HELZ: variants seen among roughly 807,000 people sequenced by gnomAD.
The protein encoded by HELZ is ATP-dependent RNA helicase with zinc finger domain.
A neutral mutation model predicts 218.2 loss-of-function variants in HELZ; 23 were observed. The observed-to-expected ratio is 0.11, with a 90% CI of 0.08 to 0.15. HELZ has a LOEUF of 0.15. Ranked by LOEUF, HELZ falls within the 10% of genes least tolerant of loss-of-function variation. The pLI is 1.00. For missense variants in HELZ, 1,813 were observed against 2,353.7 expected (o/e 0.77, Z 4.75); for synonymous variants, 814 against 829.4 (o/e 0.98, Z 0.32).
At position 67,183,985 on chromosome 17, in the gene HELZ, T is replaced by C. The variant is rs372228515; in HGVS notation, c.1162+4334A>G. 4.1e-4 allele frequency among the ~76,000 whole-genome samples: 62 copies of C among 151,954 alleles called. No individual in the cohort carries two copies. The South Asian group carries it at 0.012, about 29-fold the overall frequency. On this transcript the variant is annotated intron_variant, in intron 12 of 32. Coordinates refer to ENST00000358691, the MANE Select transcript of HELZ (RefSeq NM_014877.4). Reference sequence around the variant, plus strand: ...TACGAATAGAAAAGGTCTGGATGCTTTAGGTACAGTGACAGTAATATTTAA... The same window carrying C: ...TACGAATAGAAAAGGTCTGGATGCTCTAGGTACAGTGACAGTAATATTTAA...
At chr17:67,175,982 A>T (rs1016019427) in intron 13 of HELZ, among the ~76,000 whole-genome samples, 1 of 152,162 alleles carries the variant, frequency 6.6e-6, no homozygotes, top group Non-Finnish European at 1.5e-5. Flanking sequence ...CTATCTTACC[A>T]CTGCCGTACC....
intron 3 of HELZ, among the ~76,000 whole-genome samples, chr17:67,225,986 G>A (rs1364326119): frequency 6.6e-6 from 1 of 152,140 alleles, no homozygotes; most frequent in African/African-American, 2.4e-5. Flanking sequence ...TCCCTGACGG[G>A]CGTGGTGGCT....
chr17:67,107,214 C>A lies in HELZ; in HGVS notation c.5196G>T (p.Leu1732Phe), dbSNP rs1413671597. 2.5e-6 allele frequency: 4 copies of A among 1,613,960 alleles called. No individual in the cohort carries two copies. Among genetic ancestry groups the A allele is most frequent in the Non-Finnish European group, 8.5e-7 (1 of 1,180,008 alleles). Residue 1732 changes from leucine to phenylalanine, a missense_variant, in exon 31 of 33, where the codon TTG becomes TTT. Physicochemically the swap from Leu to Phe is conservative, Grantham distance 22. This residue lies in a region of HELZ where 938 missense variants were observed against 1,027.5 expected (regional missense o/e 0.91). Coordinates refer to ENST00000358691, the MANE Select transcript of HELZ (RefSeq NM_014877.4). ...AAGAAGAAGATACTGTTCGAGATGA[C>A]AATGGGTGAAATGGCTCTTGACCAA... The part of the protein sequence containing the change: ...HAIGQEPFHP[L>F]SSRTVSSSSL...
rs1223536390 is a variant in HELZ, at chr17:67,186,683, G to GCA, written c.1162+1634_1162+1635dup. On this transcript the variant is annotated intron_variant, in intron 12 of 32. Transcript: ENST00000358691. ...TACTAACTAATAAGAATTCTTGACA[G>GCA]CACTTACAAACATTTCTATGGGTAA... Among the ~76,000 whole-genome samples, 3 of 152,138 alleles carry GCA rather than the reference G, an allele frequency of 2.0e-5. No homozygotes were observed. The South Asian group carries it at 6.2e-4, about 32-fold the overall frequency.
chr17:67,124,596 T>C (rs1168551883), intron 24 of HELZ, among the ~76,000 whole-genome samples: 1 of 152,120 alleles, frequency 6.6e-6, no homozygotes, highest in African/African-American at 2.4e-5. Context: ...TAGACAGCAA[T>C]ATGGCAATAC....
chr17:67,195,753 C>G (rs78388638), intron 7 of HELZ, among the ~76,000 whole-genome samples: 1,798 of 151,750 alleles, frequency 0.012, 12 homozygotes, highest in South Asian at 0.023. Context: ...TTGAACCTCA[C>G]AGGCTAGCAC....
intron 12 of HELZ, among the ~76,000 whole-genome samples, chr17:67,180,412 G>C (rs944041538): frequency 6.6e-6 from 1 of 152,000 alleles, no homozygotes; most frequent in African/African-American, 2.4e-5. Context: ...CTCACAAGCA[G>C]AAGTTTCCTA....
chr17:67,132,246 G>GTGTGTGTGTGTA (rs369179550), intron 23 of HELZ, among the ~76,000 whole-genome samples: 88 of 151,326 alleles, frequency 5.8e-4, no homozygotes, highest in African/African-American at 2.1e-3. Context: ...GTGTGTGTGT[G>GTGTGTGTGTGTA]TACACAAATA....
At position 67,188,202 on chromosome 17, in the gene HELZ, A is replaced by AT. The variant is rs1160346160; in HGVS notation, c.1162+116dup. On this transcript the variant is annotated intron_variant, in intron 12 of 32. Coordinates refer to ENST00000358691, the MANE Select transcript of HELZ (RefSeq NM_014877.4). This position sits in a 1 kb window ranked among gnomAD's most constrained non-coding sequence, Gnocchi z 4.1. ...CAGTAAATGAGTCAATTAAGTTGGG[A>AT]TTTTTTTCTTTATTACTATTCTCTT... 1.0e-5 allele frequency: 10 copies of AT among 987,046 alleles called. No individual in the cohort carries two copies. Among genetic ancestry groups the AT allele is most frequent in the East Asian group, 4.9e-5 (2 of 40,910 alleles). 61.1% of individuals were successfully genotyped at this position (987,046 alleles called of 1,614,324 possible).
intron 32 of HELZ, among the ~76,000 whole-genome samples, chr17:67,084,412 C>T (rs947884904): frequency 1.3e-5 from 2 of 152,118 alleles, no homozygotes; most frequent in African/African-American, 4.8e-5. Context: ...CCTGTAATCC[C>T]AGCACTTTGG....
intron 32 of HELZ, among the ~76,000 whole-genome samples, chr17:67,078,851 AAAT>A (rs2036097767): frequency 6.6e-6 from 1 of 152,242 alleles, no homozygotes; most frequent in Non-Finnish European, 1.5e-5. Flanking sequence ...GCTTGCTGAA[AAAT>A]AAAAAACTAG....
At chr17:67,175,152 G>C (rs1438000781) in intron 13 of HELZ, among the ~76,000 whole-genome samples, 1 of 152,164 alleles carries the variant, frequency 6.6e-6, no homozygotes, top group African/African-American at 2.4e-5. Flanking sequence ...ACACACTAGA[G>C]CACAGCCCAA....
At chr17:67,095,712 T>A (rs1293418563) in intron 31 of HELZ, among the ~76,000 whole-genome samples, 3 of 152,248 alleles carry the variant, frequency 2.0e-5, no homozygotes, top group Admixed American at 1.3e-4. Flanking sequence ...AAGGCATCCA[T>A]GGTGATGGAA....
At chr17:67,123,207 C>A (rs778826088) in intron 25 of HELZ, 47 bp from the exon 26 acceptor site, 16 of 1,123,352 alleles carry the variant, frequency 1.4e-5, no homozygotes, top group South Asian at 2.1e-5. Context: ...TGTACATAGT[C>A]ATCCAGAAAA....
intron 3 of HELZ, among the ~76,000 whole-genome samples, chr17:67,232,052 CAAAAAAAAA>C (rs754429326): frequency 4.7e-5 from 2 of 42,480 alleles, no homozygotes; most frequent in East Asian, 1.5e-3. Context: ...GACTCCATCT[CAAAAAAAAA>C]AAAAAAAAAA....
In HELZ at chr17:67,135,963, T is replaced by TA; in HGVS notation, c.3182+6dup. On this transcript the variant is annotated splice_region_variant and intron_variant, in intron 23 of 32. Coordinates refer to ENST00000358691, the MANE Select transcript of HELZ (RefSeq NM_014877.4). ...CCTTTAATGTCTCAACATTAACACATAATTACCTGCATCTTCCAATAGAGC... is the reference window on the plus strand; with the variant it reads ...CCTTTAATGTCTCAACATTAACACATAAATTACCTGCATCTTCCAATAGAGC... 6.2e-7 allele frequency: 1 copy of TA among 1,603,600 alleles called. No homozygotes were observed. The highest frequency in any genetic ancestry group is 8.5e-7 in the Non-Finnish European group (1 of 1,171,984).
intron 14 of HELZ, among the ~76,000 whole-genome samples, 189 bp downstream of exon 14, chr17:67,167,274 G>A (rs192521285): frequency 2.8e-4 from 43 of 152,290 alleles, no homozygotes; most frequent in Admixed American, 2.1e-3. Context: ...CATTCTAAAT[G>A]TTACTTATAT....
At chr17:67,178,199 A>G (rs1292316742) in intron 13 of HELZ, among the ~76,000 whole-genome samples, 1 of 152,226 alleles carries the variant, frequency 6.6e-6, no homozygotes, top group Non-Finnish European at 1.5e-5. Flanking sequence ...TAACGTATTT[A>G]TAAACTGCTA....
At chr17:67,123,326 A>G (rs1598272434) in intron 25 of HELZ, among the ~76,000 whole-genome samples, 166 bp from the exon 26 acceptor site, 1 of 152,342 alleles carries the variant, frequency 6.6e-6, no homozygotes, top group East Asian at 1.9e-4. Context: ...CAAAAAAAAA[A>G]AATTTTTATA....
Sources: allele counts gnomAD v4.1 joint callset (sites outside exome capture counted in the v4.1 genomes callset), GRCh38; gene constraint gnomAD v4.1.1; regional missense constraint gnomAD v4.1.1; non-coding constraint Gnocchi (gnomAD v3.1); transcripts MANE v1.5; gene names NCBI Gene and HGNC (gene_info 2026-07-23, HGNC 2026-07-21).